ELOVL7: variants seen among roughly 807,000 people sequenced by gnomAD.
ELOVL7 encodes the protein very long chain fatty acid elongase 7.
In ELOVL7, 27 loss-of-function variants were observed where a neutral mutation model predicts 35.7. The observed-to-expected ratio is 0.76, with a 90% CI of 0.56 to 1.04. The LOEUF (loss-of-function observed/expected upper bound fraction) is 1.04, where lower values mean the gene tolerates loss of function less well. Among genes scored for constraint, ELOVL7 ranks in the 50% least tolerant of loss-of-function variants. ELOVL7 has a pLI of 0.00. For synonymous variants in ELOVL7, 113 were observed against 114.6 expected (o/e 0.99, Z 0.09); for missense variants, 327 against 340.8 (o/e 0.96, Z 0.32).
At position 60,757,546 on chromosome 5, in the gene ELOVL7, T is replaced by C; in HGVS notation, c.599A>G (p.Tyr200Cys). ...LSALGPAYQK[Y>C]LWWKKYLTSL... ...TGTCAAATATTTTTTCCACCACAAA[T>C]ACTTCTGGTAGGCTGGCCCCAATGC... The change falls in exon 8 of 9, where the codon TAT (tyrosine) becomes TGT (cysteine). Residue 200 changes from tyrosine to cysteine, a missense_variant. Coordinates refer to ENST00000508821, the MANE Select transcript of ELOVL7 (RefSeq NM_024930.3). The C allele has an allele frequency of 1.9e-6, 3 of 1,613,520 alleles. No individual in the cohort carries two copies. The highest frequency in any genetic ancestry group is 2.5e-6 in the Non-Finnish European group (3 of 1,179,612).
chr5:60,823,489 G>T (rs1226739528), intron 1 of ELOVL7, among the ~76,000 whole-genome samples: 1 of 152,150 alleles, frequency 6.6e-6, no homozygotes, highest in Non-Finnish European at 1.5e-5. Flanking sequence ...GCCTACCACA[G>T]TGCCTGGCTT....
At chr5:60,757,460 G>T in intron 8 of ELOVL7, 49 bp downstream of exon 8, 5 of 1,580,562 alleles carry the variant, frequency 3.2e-6, no homozygotes, top group Non-Finnish European at 4.3e-6. Context: ...GTGAAAACAA[G>T]TGACTCTAGC....
At chr5:60,768,946 G>C (rs1742412151) in intron 4 of ELOVL7, among the ~76,000 whole-genome samples, 1 of 151,868 alleles carries the variant, frequency 6.6e-6, no homozygotes, top group African/African-American at 2.4e-5. Flanking sequence ...AGCTTATGAG[G>C]CATTGTCAGA....
chr5:60,766,486 C>A, intron 6 of ELOVL7, 88 bp downstream of exon 6: 1 of 1,097,468 alleles, frequency 9.1e-7, no homozygotes, highest in African/African-American at 1.6e-5. Context: ...GAAACTACAG[C>A]AGTTTATTGG....
intron 2 of ELOVL7, among the ~76,000 whole-genome samples, chr5:60,791,467 A>G (rs1345434012): frequency 6.6e-6 from 1 of 152,158 alleles, no homozygotes; most frequent in Non-Finnish European, 1.5e-5. Flanking sequence ...TAGAAGCTCA[A>G]ATCTCAGCAT....
At chr5:60,765,357 T>A (rs1742172421) in intron 6 of ELOVL7, among the ~76,000 whole-genome samples, 1 of 152,218 alleles carries the variant, frequency 6.6e-6, no homozygotes, top group African/African-American at 2.4e-5. Flanking sequence ...TCTGGACTAA[T>A]GCTTCTCAAC....
At chr5:60,755,595 T>G (rs578257415) in intron 8 of ELOVL7, among the ~76,000 whole-genome samples, 1 of 152,226 alleles carries the variant, frequency 6.6e-6, no homozygotes, top group African/African-American at 2.4e-5. Context: ...AGGCGGAGGT[T>G]GCAGTGAGCC....
chr5:60,803,458 C>A (rs920904562), intron 1 of ELOVL7, among the ~76,000 whole-genome samples: 1 of 152,182 alleles, frequency 6.6e-6, no homozygotes, highest in African/African-American at 2.4e-5. Flanking sequence ...ATAAACTAAT[C>A]TTGATTTTCG....
intron 1 of ELOVL7, among the ~76,000 whole-genome samples, chr5:60,806,903 A>T (rs956441248): frequency 6.6e-6 from 1 of 152,232 alleles, no homozygotes; most frequent in African/African-American, 2.4e-5. Context: ...AAAAAAGAAA[A>T]ATAAATGGTC....
intron 1 of ELOVL7, among the ~76,000 whole-genome samples, chr5:60,841,920 A>G (rs578068587): frequency 6.6e-6 from 1 of 152,270 alleles, no homozygotes; most frequent in East Asian, 1.9e-4. Context: ...AATGTCTACC[A>G]GCTCCTACAC....
At chr5:60,797,804 TG>T (rs1744355599) in intron 2 of ELOVL7, among the ~76,000 whole-genome samples, 1 of 152,196 alleles carries the variant, frequency 6.6e-6, no homozygotes, top group Non-Finnish European at 1.5e-5. Flanking sequence ...GAAAATATCT[TG>T]GGCCCCCAAA....
At chr5:60,788,646 G>T (rs1455297886) in intron 2 of ELOVL7, among the ~76,000 whole-genome samples, 1 of 118,848 alleles carries the variant, frequency 8.4e-6, no homozygotes, top group Non-Finnish European at 1.7e-5. Flanking sequence ...GTGGTGACGG[G>T]TGCCTGTAAT....
intron 3 of ELOVL7, among the ~76,000 whole-genome samples, chr5:60,773,309 A>G (rs1742710307): frequency 6.6e-6 from 1 of 152,184 alleles, no homozygotes; most frequent in Non-Finnish European, 1.5e-5. Flanking sequence ...ATTGGAAAAG[A>G]AGGGTAGGGA....
chr5:60,826,672 A>C (rs189939878), intron 1 of ELOVL7, among the ~76,000 whole-genome samples: 15 of 152,240 alleles, frequency 9.9e-5, no homozygotes, highest in Admixed American at 6.5e-4. Flanking sequence ...ACTCATTCTA[A>C]TTTGTTTTCC....
rs1741330749 is a variant in ELOVL7, at chr5:60,752,573, G to A, written c.*2051C>T. 1 of 152,580 alleles carries A rather than the reference G, an allele frequency of 6.6e-6. No individual in the cohort carries two copies. The highest frequency in any genetic ancestry group is 2.1e-4 in the South Asian group (1 of 4,824). 9.5% of individuals were successfully genotyped at this position (152,580 alleles called of 1,614,324 possible). A position where few individuals can be genotyped will look rare whatever the true frequency, so the allele number is the denominator to read the frequency against. On this transcript the variant is annotated 3_prime_UTR_variant, in exon 9 of 9. Coordinates refer to ENST00000508821, the MANE Select transcript of ELOVL7 (RefSeq NM_024930.3). ...GCCAAACCTGGAAAACAGTTAAGGA[G>A]TCCTGAGACCTTTCCAGTGGAATAA...
At chr5:60,763,454 G>A (rs1463116316) in intron 7 of ELOVL7, among the ~76,000 whole-genome samples, 2 of 152,188 alleles carry the variant, frequency 1.3e-5, no homozygotes, top group Non-Finnish European at 2.9e-5. Flanking sequence ...TCACAGAAAT[G>A]TTATCAGCTA....
intron 1 of ELOVL7, among the ~76,000 whole-genome samples, chr5:60,837,176 G>A (rs1267531605): frequency 1.3e-5 from 2 of 150,772 alleles, no homozygotes; most frequent in African/African-American, 2.5e-5. Flanking sequence ...TCTCACGCCT[G>A]TAATCCCAGC....
chr5:60,780,665 C>T (rs1743193945), intron 3 of ELOVL7, among the ~76,000 whole-genome samples: 1 of 152,148 alleles, frequency 6.6e-6, no homozygotes, highest in Non-Finnish European at 1.5e-5. Context: ...ACAATCATGA[C>T]ATAAGGCACC....
At chr5:60,787,573 T>C in intron 2 of ELOVL7, 142 bp from the exon 3 acceptor site, 2 of 501,870 alleles carry the variant, frequency 4.0e-6, no homozygotes, top group Non-Finnish European at 6.9e-6. Flanking sequence ...GGCAAATGCA[T>C]AAGTAAATTA....
Sources: gnomAD v4.1 joint callset for allele counts (sites outside exome capture counted in the v4.1 genomes callset) on GRCh38, gnomAD v4.1.1 for gene constraint, MANE v1.5 for transcripts, NCBI Gene and HGNC (gene_info 2026-07-23, HGNC 2026-07-21) for gene names.